The following PRH1 variants were observed in gnomAD, a reference collection of about 807,000 sequenced individuals.
The protein encoded by PRH1 is salivary acidic proline-rich phosphoprotein 1/2.
PRH1 carries 7 observed loss-of-function variants against 7.9 expected under a neutral mutation model. That is an observed-to-expected ratio of 0.89 (90% CI 0.50 to 1.67). The LOEUF (loss-of-function observed/expected upper bound fraction) is 1.67, where lower values mean the gene tolerates loss of function less well. PRH1 is among the 40% of genes most tolerant of loss of function. The pLI is 0.00. For missense variants in PRH1, 109 were observed against 223.6 expected (o/e 0.49, Z 3.27); for synonymous variants, 45 against 80.8 (o/e 0.56, Z 2.38).
chr12:10,933,065 T>A (rs1314462312), intron 2 of PRH1, among the ~76,000 whole-genome samples: 1 of 151,980 alleles, frequency 6.6e-6, no homozygotes, highest in Non-Finnish European at 1.5e-5. Flanking sequence ...GAAAATCCAA[T>A]AAAATTGGCA....
chr12:10,997,787 A>G lies in PRH1; in HGVS notation c.-125-24066T>C, dbSNP rs1346676228. 4 of 1,613,680 alleles carry G rather than the reference A, an allele frequency of 2.5e-6. No homozygotes were observed. Among genetic ancestry groups the G allele is most frequent in the African/African-American group, 1.3e-5 (1 of 74,924 alleles). On this transcript the variant is annotated intron_variant, in intron 1 of 3. Transcript: ENST00000539853. ...TCTCTTGACCCAGGCAATGAAATTT[A>G]TCAGTGCTATAAAGCCATTGGCAAA...
chr12:11,109,213 C>A (rs943641072), intron 1 of PRH1, among the ~76,000 whole-genome samples: 1 of 152,126 alleles, frequency 6.6e-6, no homozygotes, highest in Non-Finnish European at 1.5e-5. Flanking sequence ...GGACAGAGCA[C>A]CTGGGAGAAG....
At chr12:11,035,185 T>C (rs1286614914) in intron 1 of PRH1, among the ~76,000 whole-genome samples, 1 of 152,072 alleles carries the variant, frequency 6.6e-6, no homozygotes, top group Non-Finnish European at 1.5e-5. Context: ...TCTGATAGTT[T>C]CTAAAAATAT....
rs1011099244 is a variant in PRH1 at position 10,978,146 on chromosome 12, A to T, written c.-125-4425T>A. ...CAAGGAAAAAGAACAAGCTGGAGGC[A>T]CATTACCTAACTTTGAACCACACTG... On this transcript the variant is annotated intron_variant, in intron 1 of 3. Transcript: ENST00000539853. 1.1e-4 allele frequency among the ~76,000 whole-genome samples: 16 copies of T among 152,128 alleles called. 1 individual carries two copies. The highest frequency in any genetic ancestry group is 1.5e-5 in the Non-Finnish European group (1 of 67,998).
At chr12:11,064,373 C>T (rs2255418) in intron 1 of PRH1, among the ~76,000 whole-genome samples, 106,717 of 149,064 alleles carry the variant, frequency 0.72, 39,532 homozygotes, top group East Asian at 0.95. Flanking sequence ...CTTCTCTATA[C>T]TGTTCCATTG....
At chr12:10,989,543 A>T (rs11054135) in intron 1 of PRH1, among the ~76,000 whole-genome samples, 46,325 of 152,064 alleles carry the variant, frequency 0.3, 8,916 homozygotes, top group East Asian at 0.74. Flanking sequence ...AACTAAATTC[A>T]CTTTTTGATA....
At chr12:11,159,787 T>A (rs1166243085) in intron 1 of PRH1, 1 of 152,248 alleles carries the variant, frequency 6.6e-6, no homozygotes, top group South Asian at 2.1e-4. Flanking sequence ...TTTCTATCTA[T>A]GTTTTCATCA....
intron 1 of PRH1, among the ~76,000 whole-genome samples, chr12:11,094,760 A>G (rs1353060755): frequency 8.7e-6 from 1 of 115,600 alleles, no homozygotes; most frequent in Non-Finnish European, 2.0e-5. Context: ...GCGCACTTAG[A>G]AATGAACCAA....
At chr12:10,898,002 T>C (rs1022751713) in intron 2 of PRH1, among the ~76,000 whole-genome samples, 1 of 152,234 alleles carries the variant, frequency 6.6e-6, no homozygotes, top group African/African-American at 2.4e-5. Context: ...AGCATATGAA[T>C]GGTATCAATA....
chr12:11,119,015 A>C (rs1305828474), downstream of PRH1, among the ~76,000 whole-genome samples: 1 of 143,458 alleles, frequency 7.0e-6, no homozygotes, highest in Non-Finnish European at 1.5e-5. Flanking sequence ...AAAAAAAAAA[A>C]AAAAGAGGGA....
At chr12:11,021,181 C>T (rs914708239) in intron 1 of PRH1, among the ~76,000 whole-genome samples, 20 of 152,114 alleles carry the variant, frequency 1.3e-4, no homozygotes, top group Non-Finnish European at 1.5e-4. Context: ...AATAAGAATT[C>T]ATAATGAAAT....
chr12:11,082,939 T>C (rs1944541768), intron 1 of PRH1, among the ~76,000 whole-genome samples: 1 of 116,824 alleles, frequency 8.6e-6, no homozygotes, highest in Non-Finnish European at 2.0e-5. Context: ...ATCTGGGTGA[T>C]TTTATTATAG....
chr12:10,889,687 T>A (rs755500282), intron 2 of PRH1, among the ~76,000 whole-genome samples: 6 of 152,188 alleles, frequency 3.9e-5, no homozygotes, highest in Non-Finnish European at 7.3e-5. Context: ...CATGATATGA[T>A]GTATAATTTT....
chr12:10,920,848 CT>C (rs1306408732), intron 2 of PRH1, among the ~76,000 whole-genome samples: 3 of 152,014 alleles, frequency 2.0e-5, no homozygotes, highest in Non-Finnish European at 4.4e-5. Flanking sequence ...AATAACTATG[CT>C]TCTGTATTTG....
intron 1 of PRH1, among the ~76,000 whole-genome samples, chr12:11,149,470 G>C (rs1592108822): frequency 1.3e-5 from 2 of 151,800 alleles, no homozygotes; most frequent in East Asian, 3.9e-4. Flanking sequence ...CCAAAACAGA[G>C]ATATAGATCA....
chr12:10,955,242 C>A (rs1937895411), intron 2 of PRH1, among the ~76,000 whole-genome samples: 2 of 151,916 alleles, frequency 1.3e-5, no homozygotes, highest in African/African-American at 4.8e-5. Context: ...ATTCTTGGAC[C>A]ACAGCACAAT....
intron 2 of PRH1, among the ~76,000 whole-genome samples, chr12:10,936,104 G>A (rs1417394877): frequency 6.6e-6 from 1 of 151,936 alleles, no homozygotes; most frequent in Admixed American, 6.6e-5. Flanking sequence ...TCACTTCAGA[G>A]GAGCTCTCTG....
At chr12:11,039,530 C>T (rs200820290) in intron 1 of PRH1, among the ~76,000 whole-genome samples, 32,733 of 148,392 alleles carry the variant, frequency 0.22, no homozygotes, top group East Asian at 0.46. Context: ...GCAATTTTTT[C>T]CTTGTTTAAA....
intron 1 of PRH1, among the ~76,000 whole-genome samples, chr12:11,083,444 A>T (rs905537226): frequency 3.3e-5 from 5 of 152,256 alleles, no homozygotes; most frequent in African/African-American, 7.2e-5. Flanking sequence ...AATGATGTCT[A>T]TAAGAATATG....
Sources: gnomAD v4.1 joint callset for allele counts (sites outside exome capture counted in the v4.1 genomes callset) on GRCh38, gnomAD v4.1.1 for gene constraint, MANE v1.5 for transcripts, NCBI Gene and HGNC (gene_info 2026-07-23, HGNC 2026-07-21) for gene names.